Variants in PSME4 observed in about 807,000 individuals in gnomAD.
PSME4 encodes proteasome activator complex subunit 4.
A neutral mutation model predicts 253.9 loss-of-function variants in PSME4; 89 were observed. The observed-to-expected ratio is 0.35, with a 90% CI of 0.30 to 0.42. The LOEUF (loss-of-function observed/expected upper bound fraction) is 0.42, where lower values mean the gene tolerates loss of function less well. PSME4 is among the 10% of genes least tolerant of loss of function. The pLI is 1.00. For synonymous variants in PSME4, 851 were observed against 759.2 expected, an observed-to-expected ratio of 1.12 and a Z score of -1.99; for missense variants, 2,014 against 2,195.2, an observed-to-expected ratio of 0.92 and a Z score of 1.65.
At position 53,927,387 on chromosome 2, in the gene PSME4, C is replaced by T. The variant is rs749902440; in HGVS notation, c.1593+7G>A. On this transcript the variant is annotated splice_region_variant and intron_variant, in intron 12 of 46. Transcript: ENST00000404125. ...TTAGCCCTTTTATAACCATAAAATACCCTTACTTCTGTGAGGTCATTTCTT... is the reference window on the plus strand; with the variant it reads ...TTAGCCCTTTTATAACCATAAAATATCCTTACTTCTGTGAGGTCATTTCTT... 1 of 1,529,704 alleles carries T rather than the reference C, an allele frequency of 6.5e-7. No homozygotes were observed. Among genetic ancestry groups the T allele is most frequent in the Non-Finnish European group, 9.1e-7 (1 of 1,103,424 alleles). The allele number at this position is 1,529,704 out of a possible 1,614,324, so 94.8% of individuals were successfully genotyped here. A position where few individuals can be genotyped will look rare whatever the true frequency, so the allele number is the denominator to read the frequency against.
At chr2:53,884,512 A>G (rs1225942773) in intron 41 of PSME4, among the ~76,000 whole-genome samples, 4 of 152,116 alleles carry the variant, frequency 2.6e-5, no homozygotes, top group Admixed American at 6.6e-5. Flanking sequence ...CCGGGCCTCT[A>G]TCGTACAGGT....
intron 24 of PSME4, among the ~76,000 whole-genome samples, chr2:53,907,767 C>A (rs1680724889): frequency 6.6e-6 from 1 of 152,144 alleles, no homozygotes; most frequent in African/African-American, 2.4e-5. Flanking sequence ...CTTTTACATG[C>A]CATTCCTTCT....
chr2:53,887,949 A>G lies in PSME4; in HGVS notation c.4429T>C (p.Trp1477Arg). Residue 1477 changes from tryptophan to arginine, a missense_variant, in exon 39 of 47, where the codon TGG becomes CGG. By Grantham distance (101) the Trp-to-Arg change is moderately radical. Coordinates refer to ENST00000404125, the MANE Select transcript of PSME4 (RefSeq NM_014614.3). ...CTGTGCAATAGTTCAGGCACTCTCC[A>G]TTCTTGCTGGGCAAGGCCACCTTGT... The part of the protein sequence containing the change: ...VLQGGLAQQE[W>R]RVPELLHRLL... 6.2e-7 allele frequency: 1 copy of G among 1,612,174 alleles called. No individual in the cohort carries two copies. The highest frequency in any genetic ancestry group is 8.5e-7 in the Non-Finnish European group (1 of 1,178,540).
intron 20 of PSME4, among the ~76,000 whole-genome samples, chr2:53,910,806 T>C (rs1248784176): frequency 6.6e-6 from 1 of 152,242 alleles, no homozygotes; most frequent in African/African-American, 2.4e-5. Flanking sequence ...ATATCTGAAA[T>C]CTACATTTTC....
chr2:53,891,294 G>A (rs916640864), intron 36 of PSME4, among the ~76,000 whole-genome samples: 3 of 152,146 alleles, frequency 2.0e-5, no homozygotes. Flanking sequence ...TTTTCTCATA[G>A]GTTAATGAGC....
intron 1 of PSME4, among the ~76,000 whole-genome samples, chr2:53,964,078 A>G (rs1339450188): frequency 6.6e-6 from 1 of 152,194 alleles, no homozygotes; most frequent in Non-Finnish European, 1.5e-5. Flanking sequence ...AAACACACAT[A>G]TGCTCATTGG....
chr2:53,963,002 T>C (rs1670557312), intron 1 of PSME4, among the ~76,000 whole-genome samples: 1 of 142,860 alleles, frequency 7.0e-6, no homozygotes, highest in African/African-American at 2.6e-5. Context: ...AGAGCGAGAC[T>C]CAGTGTCAAA....
intron 8 of PSME4, among the ~76,000 whole-genome samples, chr2:53,933,852 G>T (rs1295997365): frequency 1.3e-5 from 2 of 152,130 alleles, no homozygotes; most frequent in Non-Finnish European, 2.9e-5. Context: ...TTCAGTGTTT[G>T]CTCCTACTGA....
Position 53,908,499 on chromosome 2 carries a change from G to A in PSME4, c.2685+11C>T. The A allele has an allele frequency of 6.2e-7, 1 of 1,610,232 alleles. No individual in the cohort carries two copies. Among genetic ancestry groups the A allele is most frequent in the East Asian group, 2.2e-5 (1 of 44,702 alleles). On this transcript the variant is annotated intron_variant, in intron 23 of 46. Transcript: ENST00000404125. ...ATTAATCATTATGCAACTATCAAAT[G>A]ACAAATGTACCTTTATAATAAGAAA...
chr2:53,904,180 G>A (rs372504852), intron 26 of PSME4, 24 bp from the exon 27 acceptor site: 2 of 1,587,948 alleles, frequency 1.3e-6, no homozygotes, highest in Non-Finnish European at 1.7e-6. Flanking sequence ...TATTAACAAA[G>A]GACTTTTATT....
In PSME4 at chr2:53,955,996, G is replaced by C. The variant is rs925752493; in HGVS notation, c.243-6713C>G. Among the ~76,000 whole-genome samples the C allele has an allele frequency of 3.3e-5, 5 of 151,916 alleles. No homozygotes were observed. In the East Asian group the frequency reaches 7.8e-4, roughly 24 times the overall value. ...AGTCTCTCTGGGAGCCAGGTACAGTGGCTCACGCCTATAATCCCAGCACTT... is the reference window on the plus strand; with the variant it reads ...AGTCTCTCTGGGAGCCAGGTACAGTCGCTCACGCCTATAATCCCAGCACTT... On this transcript the variant is annotated intron_variant, in intron 1 of 46. Coordinates refer to ENST00000404125, the MANE Select transcript of PSME4 (RefSeq NM_014614.3).
intron 2 of PSME4, 134 bp downstream of exon 2, chr2:53,949,009 T>A (rs1177468378): frequency 3.3e-6 from 4 of 1,200,792 alleles, no homozygotes; most frequent in East Asian, 5.0e-5. Context: ...AAAATTAAGA[T>A]AATGTTTTTT....
intron 9 of PSME4, among the ~76,000 whole-genome samples, chr2:53,932,362 G>A (rs980106482): frequency 3.3e-5 from 5 of 151,862 alleles, no homozygotes; most frequent in South Asian, 2.1e-4. Context: ...ATTTTAACTG[G>A]ACAACTTAAA....
At chr2:53,883,928 T>C (rs988372690) in intron 41 of PSME4, among the ~76,000 whole-genome samples, 10 of 152,188 alleles carry the variant, frequency 6.6e-5, no homozygotes, top group Non-Finnish European at 1.3e-4. Flanking sequence ...TCTTCACTTA[T>C]AAGTCTTATA....
At chr2:53,945,470 G>A in intron 3 of PSME4, among the ~76,000 whole-genome samples, 1 of 151,806 alleles carries the variant, frequency 6.6e-6, no homozygotes, top group African/African-American at 2.4e-5. Context: ...TTGTCCTAGA[G>A]GCAAAAAGAC....
intron 8 of PSME4, among the ~76,000 whole-genome samples, chr2:53,933,847 T>C (rs527354045): frequency 1.2e-4 from 18 of 152,234 alleles, no homozygotes; most frequent in Non-Finnish European, 2.6e-4. Flanking sequence ...CATCTTTCAG[T>C]GTTTGCTCCT....
chr2:53,946,835 GC>G (rs1175204397), intron 3 of PSME4, among the ~76,000 whole-genome samples: 1 of 151,986 alleles, frequency 6.6e-6, no homozygotes, highest in Non-Finnish European at 1.5e-5. Flanking sequence ...GACTGCTTGA[GC>G]CCAGGAGGTC....
intron 20 of PSME4, among the ~76,000 whole-genome samples, chr2:53,915,230 C>T (rs927497808): frequency 6.6e-6 from 1 of 152,014 alleles, no homozygotes; most frequent in Non-Finnish European, 1.5e-5. Flanking sequence ...CGCCTGAGCT[C>T]GGGAAATTGA....
intron 1 of PSME4, among the ~76,000 whole-genome samples, chr2:53,961,284 C>G (rs974478511): frequency 2.0e-5 from 3 of 152,158 alleles, no homozygotes; most frequent in Non-Finnish European, 2.9e-5. Context: ...CTACCATGCT[C>G]TCAGTTTGGT....
Sources: allele counts gnomAD v4.1 joint callset (sites outside exome capture counted in the v4.1 genomes callset), GRCh38; gene constraint gnomAD v4.1.1; transcripts MANE v1.5; gene names NCBI Gene and HGNC (gene_info 2026-07-23, HGNC 2026-07-21).